RNLS: variants seen among roughly 807,000 people sequenced by gnomAD.
The protein encoded by RNLS is renalase, FAD dependent amine oxidase.
Under a neutral mutation model 39.8 loss-of-function variants are expected in RNLS, and 39 were observed. The observed-to-expected ratio is 0.98, with a 90% confidence interval of 0.76 to 1.28. RNLS has a LOEUF of 1.28. Among genes scored for constraint, RNLS ranks in the 50% most tolerant of loss-of-function variants. The pLI is 0.00. For synonymous variants in RNLS, 147 were observed against 150.7 expected (o/e 0.98, Z 0.18); for missense variants, 410 against 413.3 (o/e 0.99, Z 0.07).
At position 88,390,413 on chromosome 10, in the gene RNLS, G is replaced by A. The variant is rs540331527; in HGVS notation, c.527-27688C>T. On this transcript the variant is annotated intron_variant, in intron 4 of 6. Coordinates refer to ENST00000331772, the MANE Select transcript of RNLS (RefSeq NM_001031709.3). ...AACTCTCATTCCAAATAAGATAAAA[G>A]AGGGGAAAAAAGTGTTTGAGCATCC... Among the ~76,000 whole-genome samples, 17 of 152,248 alleles carry A rather than the reference G, an allele frequency of 1.1e-4. No homozygotes were observed. The South Asian group carries it at 3.1e-3, about 28-fold the overall frequency.
intron 4 of RNLS, among the ~76,000 whole-genome samples, chr10:88,495,474 T>C (rs1275911894): frequency 6.6e-6 from 1 of 152,180 alleles, no homozygotes; most frequent in Non-Finnish European, 1.5e-5. Context: ...GCTTCAGATA[T>C]TATCTTTGTA....
At chr10:88,202,137 T>C in the RNLS span, among the ~76,000 whole-genome samples, 3 of 152,100 alleles carry the variant, frequency 2.0e-5, no homozygotes, top group South Asian at 2.1e-4. Flanking sequence ...GATGAGTTCA[T>C]GTCCTTTGTA....
intron 4 of RNLS, among the ~76,000 whole-genome samples, chr10:88,527,564 G>C (rs1488910502): frequency 2.0e-5 from 3 of 152,094 alleles, no homozygotes; most frequent in Non-Finnish European, 4.4e-5. Context: ...TCATACAATG[G>C]AGCCATATAG....
intron 5 of RNLS, among the ~76,000 whole-genome samples, chr10:88,358,374 A>G (rs943668916): frequency 9.2e-5 from 14 of 152,182 alleles, no homozygotes; most frequent in African/African-American, 3.4e-4. Context: ...TCAAATATAT[A>G]CTTGGGAACC....
intron 5 of RNLS, among the ~76,000 whole-genome samples, chr10:88,353,295 G>T (rs1848874634): frequency 1.3e-5 from 2 of 152,044 alleles, no homozygotes; most frequent in Non-Finnish European, 2.9e-5. Flanking sequence ...TCTTTTAATT[G>T]TGATGTTAGG....
At chr10:88,305,392 C>T (rs1384053069) in intron 6 of RNLS, among the ~76,000 whole-genome samples, 1 of 152,096 alleles carries the variant, frequency 6.6e-6, no homozygotes, top group Admixed American at 6.5e-5. Flanking sequence ...AACTAAAAGA[C>T]AAAGAGTGGC....
At chr10:88,498,321 C>T (rs1263978192) in intron 4 of RNLS, among the ~76,000 whole-genome samples, 2 of 151,512 alleles carry the variant, frequency 1.3e-5, no homozygotes, top group Admixed American at 6.6e-5. Context: ...ATCAGACAAA[C>T]TCAAATGAAG....
intron 4 of RNLS, among the ~76,000 whole-genome samples, chr10:88,376,245 A>G (rs141886219): frequency 9.2e-5 from 14 of 152,222 alleles, no homozygotes; most frequent in African/African-American, 3.1e-4. Flanking sequence ...AAGTGTCCTC[A>G]GTTCAAAGCA....
intron 6 of RNLS, among the ~76,000 whole-genome samples, chr10:88,278,001 TA>T (rs1348676539): frequency 2.0e-5 from 3 of 152,218 alleles, no homozygotes; most frequent in African/African-American, 7.2e-5. Flanking sequence ...GAAATAATTA[TA>T]AAGTTTTTAT....
At chr10:88,436,688 T>C (rs1841432043) in intron 4 of RNLS, among the ~76,000 whole-genome samples, 1 of 152,216 alleles carries the variant, frequency 6.6e-6, no homozygotes, top group African/African-American at 2.4e-5. Context: ...AACTATTCTT[T>C]GGGCGTCAAG....
chr10:88,282,478 T>C (rs867112193), downstream of RNLS, among the ~76,000 whole-genome samples: 1 of 142,932 alleles, frequency 7.0e-6, no homozygotes, highest in African/African-American at 2.6e-5. Context: ...AAAGTGAAAA[T>C]ACACACACAC....
At chr10:88,309,886 A>G (rs972707577) in intron 6 of RNLS, among the ~76,000 whole-genome samples, 4 of 152,176 alleles carry the variant, frequency 2.6e-5, no homozygotes, top group Non-Finnish European at 5.9e-5. Context: ...TTAAAGTTCT[A>G]TAAGAGATAC....
intron 1 of RNLS, 79 bp downstream of exon 1, chr10:88,582,994 C>A (rs1487519057): frequency 7.1e-5 from 106 of 1,493,394 alleles, no homozygotes; most frequent in Non-Finnish European, 9.0e-5. Context: ...CTTAGACTTT[C>A]TTGGGTGCAG....
At chr10:88,287,384 A>C (rs947576486) in intron 6 of RNLS, among the ~76,000 whole-genome samples, 33 of 152,270 alleles carry the variant, frequency 2.2e-4, no homozygotes, top group African/African-American at 7.9e-4. Flanking sequence ...TAGTGCAGTC[A>C]CTGAAGCACA....
At chr10:88,336,045 C>T (rs1433937997) in intron 5 of RNLS, among the ~76,000 whole-genome samples, 1 of 152,138 alleles carries the variant, frequency 6.6e-6, no homozygotes, top group Non-Finnish European at 1.5e-5. Context: ...AGATTTTTCT[C>T]CATCTACTGA....
intron 5 of RNLS, among the ~76,000 whole-genome samples, chr10:88,327,332 G>C (rs1846693474): frequency 6.6e-6 from 1 of 152,172 alleles, no homozygotes; most frequent in African/African-American, 2.4e-5. Flanking sequence ...GTCTAGGAGA[G>C]ACTGATGTGA....
At chr10:88,461,141 T>C (rs769444040) in intron 4 of RNLS, among the ~76,000 whole-genome samples, 10 of 152,106 alleles carry the variant, frequency 6.6e-5, no homozygotes, top group Non-Finnish European at 1.3e-4. Context: ...CCCTTAGCTT[T>C]TGGGGACATG....
chr10:88,449,438 A>C (rs1842240485), intron 4 of RNLS, among the ~76,000 whole-genome samples: 1 of 152,186 alleles, frequency 6.6e-6, no homozygotes, highest in African/African-American at 2.4e-5. Context: ...TTCTCTAGGA[A>C]GCTGTTTTGG....
intron 4 of RNLS, among the ~76,000 whole-genome samples, chr10:88,479,885 T>C (rs1844057024): frequency 1.3e-5 from 2 of 151,538 alleles, no homozygotes; most frequent in South Asian, 2.1e-4. Context: ...CAAAAGATCA[T>C]AATAAAAAGA....
Sources: gnomAD v4.1 joint callset for allele counts (sites outside exome capture counted in the v4.1 genomes callset) on GRCh38, gnomAD v4.1.1 for gene constraint, MANE v1.5 for transcripts, NCBI Gene and HGNC (gene_info 2026-07-23, HGNC 2026-07-21) for gene names.